The following TFPI variants were observed in gnomAD, a reference collection of about 807,000 sequenced individuals.
TFPI encodes tissue factor pathway inhibitor, also known as anti-convertin.
Under a neutral mutation model 34.6 loss-of-function variants are expected in TFPI, and 15 were observed. The observed-to-expected ratio is 0.43, with a 90% CI of 0.29 to 0.67. The LOEUF (loss-of-function observed/expected upper bound fraction) is 0.67. Ranked by LOEUF, TFPI falls within the 30% of genes least tolerant of loss-of-function variation. The pLI is 0.15. For missense variants in TFPI, 301 were observed against 364.0 expected (o/e 0.83, Z 1.41); for synonymous variants, 105 against 120.1 (o/e 0.87, Z 0.82).
At chr2:187,491,919 T>C (rs1004666842) in intron 3 of TFPI, among the ~76,000 whole-genome samples, 1 of 152,164 alleles carries the variant, frequency 6.6e-6, no homozygotes, top group African/African-American at 2.4e-5. Context: ...TGGTATCTCA[T>C]TGTGGTTTTA....
Position 187,485,000 on chromosome 2 carries a change from A to G in TFPI, c.359-13T>C. 1 of 1,480,962 alleles carries G rather than the reference A, an allele frequency of 6.8e-7. No individual in the cohort carries two copies. Among genetic ancestry groups the G allele is most frequent in the Non-Finnish European group, 8.9e-7 (1 of 1,117,372 alleles). The allele number at this position is 1,480,962 out of a possible 1,614,324, so 91.7% of individuals were successfully genotyped here. On this transcript the variant is annotated splice_polypyrimidine_tract_variant and intron_variant, in intron 4 of 7. Transcript: ENST00000233156. ...AAATCTGGCTTTTCTAGAAATTATAAAAATGTCAGAAAGCAATATTCTTTT... is the reference window on the plus strand; with the variant it reads ...AAATCTGGCTTTTCTAGAAATTATAGAAATGTCAGAAAGCAATATTCTTTT...
intron 1 of TFPI, chr2:187,514,995 G>A (rs923613231): frequency 6.6e-6 from 1 of 152,226 alleles, no homozygotes; most frequent in South Asian, 2.1e-4. Context: ...CCCTAGCCCT[G>A]GGGCTACCTG....
At chr2:187,509,382 C>T (rs1211935749) in intron 1 of TFPI, among the ~76,000 whole-genome samples, 1 of 152,150 alleles carries the variant, frequency 6.6e-6, no homozygotes, top group African/African-American at 2.4e-5. Flanking sequence ...GGTACCATCT[C>T]CTCTTCATAT....
intron 1 of TFPI, among the ~76,000 whole-genome samples, chr2:187,530,345 A>G (rs1399698924): frequency 6.6e-6 from 1 of 152,218 alleles, no homozygotes; most frequent in African/African-American, 2.4e-5. Context: ...TAAAATTCGC[A>G]TACTAAACAT....
At chr2:187,479,635 T>C (rs965492063) in intron 6 of TFPI, among the ~76,000 whole-genome samples, 2 of 146,914 alleles carry the variant, frequency 1.4e-5, no homozygotes, top group African/African-American at 2.5e-5. Flanking sequence ...ACTATTTTTG[T>C]AGAGTCACCA....
chr2:187,541,071 T>G (rs1463025004), intron 1 of TFPI, among the ~76,000 whole-genome samples: 1 of 152,068 alleles, frequency 6.6e-6, no homozygotes, highest in East Asian at 1.9e-4. Context: ...TTCATATATC[T>G]TCTCCATATT....
chr2:187,484,938 A>G lies in TFPI; in HGVS notation c.408T>C (p.Gly136=). The change falls in exon 5 of 8, where the codon GGT becomes GGC. Residue 136 remains glycine (G), a synonymous_variant. Transcript: ENST00000233156. ...TGTTATAAAAATACCTGGTAATATA[A>G]CCTCGACATATTCCAGGATCTTCTT... The part of the protein sequence containing the change: ...FLEEDPGICR[G]YITRYFYNNQ... The G allele has an allele frequency of 6.4e-7, 1 of 1,562,892 alleles. No homozygotes were observed. Among genetic ancestry groups the G allele is most frequent in the South Asian group, 1.3e-5 (1 of 78,018 alleles).
intron 1 of TFPI, among the ~76,000 whole-genome samples, chr2:187,535,435 C>G (rs1290775123): frequency 6.6e-6 from 1 of 152,170 alleles, no homozygotes; most frequent in African/African-American, 2.4e-5. Context: ...GAAACTCACT[C>G]AAAACCATAC....
intron 1 of TFPI, among the ~76,000 whole-genome samples, chr2:187,513,432 T>C (rs1182672469): frequency 1.3e-5 from 2 of 152,224 alleles, no homozygotes; most frequent in African/African-American, 4.8e-5. Context: ...TGAAATTTAC[T>C]TATCTGGTAT....
intron 6 of TFPI, among the ~76,000 whole-genome samples, chr2:187,478,220 C>T (rs904980763): frequency 1.3e-5 from 2 of 151,966 alleles, no homozygotes; most frequent in African/African-American, 4.8e-5. Flanking sequence ...ATTAGCGGGG[C>T]GTGGTGGCAC....
At chr2:187,526,219 A>T (rs1687669255) in intron 1 of TFPI, among the ~76,000 whole-genome samples, 3 of 152,158 alleles carry the variant, frequency 2.0e-5, no homozygotes, top group Admixed American at 2.0e-4. Flanking sequence ...AATAGCACTG[A>T]TTTGGAAAGA....
intron 1 of TFPI, among the ~76,000 whole-genome samples, chr2:187,520,082 G>C (rs748642400): frequency 6.6e-6 from 1 of 152,144 alleles, no homozygotes; most frequent in Admixed American, 6.5e-5. Context: ...AGCTTACTGG[G>C]CTCTGTAGGT....
chr2:187,465,492 G>GAAAAAAAAAAAAAAACAAAAAAAAAAA lies in TFPI; in HGVS notation c.*1443_*1444insTTTTTTTTTTTGTTTTTTTTTTTTTTT, dbSNP rs1691672644. 7.4e-5 allele frequency: 5 copies of GAAAAAAAAAAAAAAACAAAAAAAAAAA among 67,772 alleles called. No individual in the cohort carries two copies. The highest frequency in any genetic ancestry group is 1.1e-4 in the Non-Finnish European group (4 of 35,768). The allele number at this position is 67,772 out of a possible 1,614,324, so 4.2% of individuals were successfully genotyped here. On this transcript the variant is annotated 3_prime_UTR_variant, in exon 8 of 8. Coordinates refer to ENST00000233156, the MANE Select transcript of TFPI (RefSeq NM_006287.6). Reference sequence around the variant, plus strand: ...AAAACATAACAAAACAAAACAAAATGAAAAAAAAAAAAAAACAAGAAAAAA... The same window carrying GAAAAAAAAAAAAAAACAAAAAAAAAAA: ...AAAACATAACAAAACAAAACAAAATGAAAAAAAAAAAAAAACAAAAAAAAAAAAAAAAAAAAAAAAAACAAGAAAAAA...
At chr2:187,545,676 A>T (rs1211660610) in intron 1 of TFPI, among the ~76,000 whole-genome samples, 1 of 152,210 alleles carries the variant, frequency 6.6e-6, no homozygotes, top group Non-Finnish European at 1.5e-5. Context: ...TTAACATTTC[A>T]TTAAACCATA....
chr2:187,492,397 G>A (rs1685177401), intron 3 of TFPI, among the ~76,000 whole-genome samples: 1 of 152,138 alleles, frequency 6.6e-6, no homozygotes, highest in South Asian at 2.1e-4. Context: ...TTTGTATAAG[G>A]CAAGAGACAT....
chr2:187,548,638 C>T (rs1366788400), intron 1 of TFPI, among the ~76,000 whole-genome samples: 1 of 151,952 alleles, frequency 6.6e-6, no homozygotes, highest in Non-Finnish European at 1.5e-5. Context: ...ATGATAATAT[C>T]GAATGCAGGT....
intron 2 of TFPI, 143 bp from the exon 3 acceptor site, chr2:187,497,221 CA>C: frequency 1.3e-6 from 1 of 788,386 alleles, no homozygotes; most frequent in Non-Finnish European, 1.9e-6. Flanking sequence ...ATTCAGTTAT[CA>C]AAATGGTAGA....
intron 3 of TFPI, 91 bp from the exon 4 acceptor site, chr2:187,488,466 A>G (rs1340973119): frequency 1.8e-5 from 14 of 758,096 alleles, no homozygotes; most frequent in Non-Finnish European, 2.8e-5. Flanking sequence ...TGACATATTT[A>G]TTACCATTAA....
At chr2:187,499,964 C>A (rs970082783) in intron 2 of TFPI, among the ~76,000 whole-genome samples, 2 of 152,108 alleles carry the variant, frequency 1.3e-5, no homozygotes, top group Admixed American at 6.6e-5. Context: ...TCAGAAAAAT[C>A]ATTTTTCATA....
Sources: gnomAD v4.1 joint callset for allele counts (sites outside exome capture counted in the v4.1 genomes callset) on GRCh38, gnomAD v4.1.1 for gene constraint, MANE v1.5 for transcripts, NCBI Gene and HGNC (gene_info 2026-07-23, HGNC 2026-07-21) for gene names.